FBXO42: variants seen among roughly 807,000 people sequenced by gnomAD.
FBXO42 encodes F-box only protein 42.
Under a neutral mutation model 71.7 loss-of-function variants are expected in FBXO42, and 12 were observed. The observed-to-expected ratio is 0.17, with a 90% confidence interval of 0.11 to 0.27. The LOEUF is 0.27. FBXO42 is among the 10% of genes least tolerant of loss of function. FBXO42 has a pLI of 1.00. For missense variants in FBXO42, 707 were observed against 911.9 expected, an observed-to-expected ratio of 0.78 and a Z score of 2.89; for synonymous variants, 325 against 327.5, an observed-to-expected ratio of 0.99 and a Z score of 0.08.
Position 16,315,208 on chromosome 1 carries a change from C to T in FBXO42, c.211G>A (p.Ala71Thr). ...TACCACTGTTTGCAGACAAGGGCCG[C>T]AGTTTTGTGTTCCTGATACGGTGAG... ...FLSPYQEHKT[A>T]ALVCKQWYRL... The change falls in exon 2 of 10, where the codon GCG (alanine) becomes ACG (threonine). Residue 71 changes from alanine to threonine, a missense_variant. Coordinates refer to ENST00000375592, the MANE Select transcript of FBXO42 (RefSeq NM_018994.3). 1 of 1,614,134 alleles carries T rather than the reference C, an allele frequency of 6.2e-7. No individual in the cohort carries two copies. Among genetic ancestry groups the T allele is most frequent in the South Asian group, 1.1e-5 (1 of 91,084 alleles).
intron 2 of FBXO42, among the ~76,000 whole-genome samples, chr1:16,312,150 G>A (rs2082318634): frequency 6.6e-6 from 1 of 152,040 alleles, no homozygotes; most frequent in South Asian, 2.1e-4. Context: ...TTTGAGCTTA[G>A]GAGTTTCACA....
chr1:16,302,544 C>T (rs753934193), intron 3 of FBXO42, among the ~76,000 whole-genome samples: 3 of 152,174 alleles, frequency 2.0e-5, no homozygotes, highest in Non-Finnish European at 4.4e-5. Flanking sequence ...GAGTCTCGCT[C>T]TGTTGCCCAG....
At chr1:16,289,107 T>C (rs2082052633) in intron 4 of FBXO42, among the ~76,000 whole-genome samples, 1 of 150,562 alleles carries the variant, frequency 6.6e-6, no homozygotes, top group Non-Finnish European at 1.5e-5. Flanking sequence ...AAAATGTAAA[T>C]TGAGGCAGGG....
rs112020765 is a variant in FBXO42 at position 16,342,204 on chromosome 1, T to C, written c.-18+10051A>G. Reference sequence around the variant, plus strand: ...TTGAAGCTGGGAGTTCAAGACCAGCTTGACCAACATGGAGAAACCCCGTCT... The same window carrying C: ...TTGAAGCTGGGAGTTCAAGACCAGCCTGACCAACATGGAGAAACCCCGTCT... On this transcript the variant is annotated intron_variant, in intron 1 of 9. Coordinates refer to ENST00000375592, the MANE Select transcript of FBXO42 (RefSeq NM_018994.3). 3.0e-4 allele frequency among the ~76,000 whole-genome samples: 45 copies of C among 151,374 alleles called. 1 individual carries two copies. Among genetic ancestry groups the C allele is most frequent in the African/African-American group, 1.0e-3 (43 of 41,252 alleles).
intron 4 of FBXO42, among the ~76,000 whole-genome samples, chr1:16,274,521 T>C: frequency 6.6e-6 from 1 of 150,650 alleles, no homozygotes; most frequent in Non-Finnish European, 1.5e-5. Flanking sequence ...CTCTGAGTTG[T>C]GCACTTAAGA....
At chr1:16,292,216 A>T (rs1348170944) in intron 4 of FBXO42, 1 of 152,234 alleles carries the variant, frequency 6.6e-6, no homozygotes, top group Non-Finnish European at 1.5e-5. Flanking sequence ...TGAAGCAGTT[A>T]TTTCTCCAAT....
At chr1:16,316,318 T>C (rs975692520) in intron 1 of FBXO42, among the ~76,000 whole-genome samples, 1 of 152,128 alleles carries the variant, frequency 6.6e-6, no homozygotes, top group African/African-American at 2.4e-5. Context: ...GAGATAACTT[T>C]GCCACAAAAT....
intron 4 of FBXO42, among the ~76,000 whole-genome samples, chr1:16,280,503 A>G (rs1317628390): frequency 6.6e-6 from 1 of 152,230 alleles, no homozygotes; most frequent in Non-Finnish European, 1.5e-5. Flanking sequence ...TCATTATTCA[A>G]TGGCAAAAAC....
At chr1:16,277,128 G>A (rs1162360958) in intron 4 of FBXO42, among the ~76,000 whole-genome samples, 1 of 152,128 alleles carries the variant, frequency 6.6e-6, no homozygotes, top group Non-Finnish European at 1.5e-5. Context: ...CTAAAACAAT[G>A]AGATCAATCA....
At chr1:16,284,678 A>G (rs1479498920) in intron 4 of FBXO42, among the ~76,000 whole-genome samples, 3 of 152,096 alleles carry the variant, frequency 2.0e-5, no homozygotes, top group Admixed American at 6.6e-5. Flanking sequence ...AAAAATACAA[A>G]AAAATTAGGC....
At chr1:16,269,099 G>A (rs1056176592) in intron 4 of FBXO42, among the ~76,000 whole-genome samples, 20 of 77,892 alleles carry the variant, frequency 2.6e-4, no homozygotes, top group East Asian at 1.3e-3. Flanking sequence ...GTGAGCCACC[G>A]CACCTGGCTT....
chr1:16,269,441 G>A (rs1253969559), intron 4 of FBXO42, among the ~76,000 whole-genome samples: 1 of 151,374 alleles, frequency 6.6e-6, no homozygotes, highest in African/African-American at 2.4e-5. Flanking sequence ...GGAGTGCAGT[G>A]GCACTATCTC....
At chr1:16,320,360 CAAAAAAAAA>C (rs35441053) in intron 1 of FBXO42, among the ~76,000 whole-genome samples, 3 of 113,454 alleles carry the variant, frequency 2.6e-5, no homozygotes, top group South Asian at 2.9e-4. Context: ...AACTCCATGT[CAAAAAAAAA>C]AAAAAAAAAA....
At chr1:16,329,528 G>A (rs191207034) in intron 1 of FBXO42, among the ~76,000 whole-genome samples, 1 of 151,940 alleles carries the variant, frequency 6.6e-6, no homozygotes, top group Non-Finnish European at 1.5e-5. Context: ...AGGTTGCAGT[G>A]AGCCAAGATC....
intron 4 of FBXO42, among the ~76,000 whole-genome samples, chr1:16,258,384 G>T (rs2081670437): frequency 6.6e-6 from 1 of 151,272 alleles, no homozygotes; most frequent in African/African-American, 2.4e-5. Context: ...TTTGAGACAG[G>T]GTCTTGCTGT....
chr1:16,271,728 T>C (rs1368780998), intron 4 of FBXO42, among the ~76,000 whole-genome samples: 5 of 152,126 alleles, frequency 3.3e-5, no homozygotes, highest in East Asian at 1.9e-4. Context: ...CATAGCCCTC[T>C]TCATTTACCA....
chr1:16,341,030 C>T (rs1004262330), intron 1 of FBXO42, among the ~76,000 whole-genome samples: 1 of 152,202 alleles, frequency 6.6e-6, no homozygotes, highest in Non-Finnish European at 1.5e-5. Flanking sequence ...AACTCTGGTG[C>T]ATCCTCACTG....
chr1:16,347,471 G>A (rs571370875), intron 1 of FBXO42, among the ~76,000 whole-genome samples: 3 of 152,192 alleles, frequency 2.0e-5, no homozygotes, highest in African/African-American at 4.8e-5. Flanking sequence ...CCAAGATGGC[G>A]CCACTGCCCT....
At chr1:16,301,275 C>T (rs1335365931) in intron 3 of FBXO42, among the ~76,000 whole-genome samples, 1 of 152,086 alleles carries the variant, frequency 6.6e-6, no homozygotes, top group African/African-American at 2.4e-5. Flanking sequence ...ACTGTGCATA[C>T]CTTTGTTGCA....
Sources: allele counts gnomAD v4.1 joint callset (sites outside exome capture counted in the v4.1 genomes callset), GRCh38; gene constraint gnomAD v4.1.1; transcripts MANE v1.5; gene names NCBI Gene and HGNC (gene_info 2026-07-23, HGNC 2026-07-21).